The following NUP93 variants were observed in gnomAD, a reference collection of about 807,000 sequenced individuals.
The protein encoded by NUP93 is nucleoporin 93, also known as nuclear pore complex protein Nup93.
A neutral mutation model predicts 107.8 loss-of-function variants in NUP93; 55 were observed. The observed-to-expected ratio is 0.51, with a 90% CI of 0.41 to 0.64. NUP93 has a LOEUF of 0.64. NUP93 is among the 30% of genes least tolerant of loss of function. The pLI is 0.00. For missense variants in NUP93, 937 were observed against 1,044.7 expected (o/e 0.90, Z 1.42); for synonymous variants, 390 against 397.5 (o/e 0.98, Z 0.22).
At chr16:56,752,401 G>A (rs1027272474) in intron 2 of NUP93, among the ~76,000 whole-genome samples, 19 of 152,170 alleles carry the variant, frequency 1.2e-4, no homozygotes, top group Non-Finnish European at 1.9e-4. Flanking sequence ...GTACTCTTCA[G>A]TAGTACAAAG....
intron 5 of NUP93, among the ~76,000 whole-genome samples, chr16:56,814,678 A>C (rs1415236245): frequency 6.6e-6 from 1 of 152,192 alleles, no homozygotes; most frequent in Non-Finnish European, 1.5e-5. Context: ...GACTTTTCTC[A>C]GTTTGTGCTC....
chr16:56,761,380 T>G (rs111794708), intron 3 of NUP93, among the ~76,000 whole-genome samples: 2 of 152,218 alleles, frequency 1.3e-5, no homozygotes, highest in Non-Finnish European at 2.9e-5. Flanking sequence ...CTTCTCATAA[T>G]GTGTTGGTTA....
In NUP93 at chr16:56,832,024, C is replaced by T. The variant is rs771300108; in HGVS notation, c.1251+17C>T. On this transcript the variant is annotated intron_variant, in intron 11 of 21. Coordinates refer to ENST00000308159, the MANE Select transcript of NUP93 (RefSeq NM_014669.5). ...TGGCTGAAGGTAGGCACTGTTTCCC[C>T]TGCCCACATAGGGCTTTACCCCTTT... The T allele has an allele frequency of 1.2e-6, 2 of 1,613,556 alleles. No individual in the cohort carries two copies. The highest frequency in any genetic ancestry group is 1.3e-5 in the African/African-American group (1 of 74,916).
chr16:56,793,353 G>A (rs1962811041), intron 3 of NUP93, among the ~76,000 whole-genome samples: 1 of 152,104 alleles, frequency 6.6e-6, no homozygotes, highest in Admixed American at 6.5e-5. Context: ...ACAAGTGCTT[G>A]TTGATGGGAA....
chr16:56,776,058 A>AT lies in NUP93; in HGVS notation c.297+17414dup, dbSNP rs5817075. Among the ~76,000 whole-genome samples the AT allele has an allele frequency of 4.3e-3, 638 of 147,420 alleles. 5 individuals carry two copies. The highest frequency in any genetic ancestry group is 0.014 in the African/African-American group (564 of 40,518). On this transcript the variant is annotated intron_variant, in intron 3 of 21. Coordinates refer to ENST00000308159, the MANE Select transcript of NUP93 (RefSeq NM_014669.5). The stretch of plus-strand genomic sequence containing the variant: ...ATATACTTTTATTTGTTGGTGCCAG[A>AT]TTTTTTTTTTTATTGCTTTGAGGAA...
At chr16:56,836,087 C>A (rs1418254732) in intron 16 of NUP93, among the ~76,000 whole-genome samples, 1 of 151,134 alleles carries the variant, frequency 6.6e-6, no homozygotes, top group East Asian at 1.9e-4. Context: ...CGAGATTGCG[C>A]CACTGCACTC....
intron 3 of NUP93, among the ~76,000 whole-genome samples, chr16:56,787,412 C>T (rs1457993424): frequency 2.0e-5 from 3 of 152,202 alleles, no homozygotes; most frequent in Non-Finnish European, 4.4e-5. Flanking sequence ...TCCTGACTAA[C>T]AGTGCTCCTT....
At position 56,848,819 on chromosome 16, in the gene NUP93, T is replaced by C. The variant is rs1263922056; in HGVS notation, c.*4210T>C. ...TGGGCCGTGCTAGGTAGCTGGAATA[T>C]CTGAGGTAAATTAAGCACTGATTTG... On this transcript the variant is annotated 3_prime_UTR_variant, in exon 22 of 22. Transcript: ENST00000308159. The C allele has an allele frequency of 6.6e-6, 1 of 152,216 alleles. No homozygotes were observed. Among genetic ancestry groups the C allele is most frequent in the East Asian group, 1.9e-4 (1 of 5,200 alleles). 9.4% of individuals were successfully genotyped at this position (152,216 alleles called of 1,614,324 possible).
chr16:56,842,535 G>A (rs1315016455), intron 21 of NUP93: 5 of 432,958 alleles, frequency 1.2e-5, no homozygotes, highest in Non-Finnish European at 1.8e-5. Flanking sequence ...AACCATAAGG[G>A]GACAGTCCAA....
At position 56,839,067 on chromosome 16, in the gene NUP93, G is replaced by C. The variant is rs1292577738; in HGVS notation, c.2134G>C (p.Asp712His). The change falls in exon 19 of 22, where the codon GAT (aspartate) becomes CAT (histidine). Residue 712 changes from aspartate (D) to histidine (H), a missense_variant and splice_region_variant. Asp to His is a moderately conservative substitution (Grantham distance 81). Transcript: ENST00000308159. ...TAGTGGTCATATTGATAGAGCTTTT[G>C]ATGTAAGTTTCAGGAAAGGTGTTTG... ...YHSGHIDRAF[D>H]IIERLKLVPL... 5 of 1,606,914 alleles carry C rather than the reference G, an allele frequency of 3.1e-6. No individual in the cohort carries two copies. Among genetic ancestry groups the C allele is most frequent in the Non-Finnish European group, 4.3e-6 (5 of 1,174,080 alleles).
rs142823506 is a variant in NUP93 at position 56,765,345 on chromosome 16, C to A, written c.297+6690C>A. ...GAGAATGAACAGGATGTTCATGATA[C>A]CCTTTCTTTTGAGTTTTTAGAGGGA... On this transcript the variant is annotated intron_variant, in intron 3 of 21. Coordinates refer to ENST00000308159, the MANE Select transcript of NUP93 (RefSeq NM_014669.5). 3.0e-3 allele frequency among the ~76,000 whole-genome samples: 454 copies of A among 152,262 alleles called. 1 individual carries two copies. The highest frequency in any genetic ancestry group is 9.6e-3 in the African/African-American group (397 of 41,540).
chr16:56,824,204 CA>C (rs757199417), intron 8 of NUP93, among the ~76,000 whole-genome samples: 2 of 152,182 alleles, frequency 1.3e-5, no homozygotes, highest in Non-Finnish European at 2.9e-5. Flanking sequence ...TTTCTCTCCA[CA>C]TTTTAATTTT....
intron 3 of NUP93, among the ~76,000 whole-genome samples, chr16:56,794,358 C>T (rs1962841738): frequency 1.3e-5 from 2 of 152,088 alleles, no homozygotes; most frequent in African/African-American, 4.8e-5. Flanking sequence ...GACACACACA[C>T]ACACGCTTCA....
intron 15 of NUP93, 26 bp downstream of exon 15, chr16:56,834,468 C>T: frequency 6.2e-7 from 1 of 1,610,654 alleles, no homozygotes; most frequent in Non-Finnish European, 8.5e-7. Context: ...TTTCTCTCCT[C>T]CCCATGGTTT....
intron 5 of NUP93, among the ~76,000 whole-genome samples, chr16:56,815,881 C>CTGCTGCTGG (rs1555495748): frequency 2.7e-4 from 28 of 103,896 alleles, no homozygotes; most frequent in Non-Finnish European, 4.9e-4. Context: ...GCTGCTGCTG[C>CTGCTGCTGG]TGCTGCTGCT....
intron 3 of NUP93, among the ~76,000 whole-genome samples, chr16:56,786,645 C>T (rs1207218347): frequency 6.6e-6 from 1 of 152,228 alleles, no homozygotes; most frequent in African/African-American, 2.4e-5. Flanking sequence ...AAAATAAACT[C>T]TATCTTGCAA....
chr16:56,767,749 CAGG>C (rs1485003146), intron 3 of NUP93, among the ~76,000 whole-genome samples: 1 of 152,188 alleles, frequency 6.6e-6, no homozygotes, highest in Non-Finnish European at 1.5e-5. Flanking sequence ...TCTTTCTCAA[CAGG>C]AGGACCCGTC....
chr16:56,800,913 A>T (rs370891127), intron 4 of NUP93, among the ~76,000 whole-genome samples: 2 of 152,322 alleles, frequency 1.3e-5, no homozygotes, highest in African/African-American at 4.8e-5. Flanking sequence ...CCTGCTCTTA[A>T]TTCAGCTGTC....
At chr16:56,762,919 A>G (rs1204752543) in intron 3 of NUP93, among the ~76,000 whole-genome samples, 6 of 152,052 alleles carry the variant, frequency 3.9e-5, no homozygotes, top group African/African-American at 1.5e-4. Flanking sequence ...TTCATGTCAT[A>G]TAAGGACACC....
Sources: gnomAD v4.1 joint callset for allele counts (sites outside exome capture counted in the v4.1 genomes callset) on GRCh38, gnomAD v4.1.1 for gene constraint, MANE v1.5 for transcripts, NCBI Gene and HGNC (gene_info 2026-07-23, HGNC 2026-07-21) for gene names.